LRRTM4: variants seen among roughly 807,000 people sequenced by gnomAD.
The protein encoded by LRRTM4 is leucine rich repeat transmembrane neuronal 4.
A neutral mutation model predicts 47.6 loss-of-function variants in LRRTM4; 25 were observed. The observed-to-expected ratio is 0.53, with a 90% CI of 0.38 to 0.73. LRRTM4 has a LOEUF of 0.73. Ranked by LOEUF, LRRTM4 falls within the 30% of genes least tolerant of loss-of-function variation. The probability of loss-of-function intolerance (pLI) is 0.00; values close to 1 mark genes in which losing one functional copy is unlikely to be tolerated. For missense variants in LRRTM4, 638 were observed against 713.4 expected, an observed-to-expected ratio of 0.89 and a Z score of 1.20; for synonymous variants, 311 against 269.5, an observed-to-expected ratio of 1.15 and a Z score of -1.51.
At chr2:76,939,861 T>C (rs79909487) in intron 3 of LRRTM4, among the ~76,000 whole-genome samples, 8,812 of 152,178 alleles carry the variant, frequency 0.058, 600 homozygotes, top group African/African-American at 0.15. Context: ...TCTTGGAGAA[T>C]TTTCCCAGAT....
At position 77,440,084 on chromosome 2, in the gene LRRTM4, T is replaced by C. The variant is rs571925260; in HGVS notation, c.1551+78234A>G. 1.2e-3 allele frequency among the ~76,000 whole-genome samples: 178 copies of C among 152,166 alleles called. 1 individual carries two copies. The highest frequency in any genetic ancestry group is 4.1e-3 in the African/African-American group (170 of 41,512). ...ACTGGCAAAGAAAAGATGGGTGAAATTGAGTAACCTACGAGTAGGCCAAAG... is the reference window on the plus strand; with the variant it reads ...ACTGGCAAAGAAAAGATGGGTGAAACTGAGTAACCTACGAGTAGGCCAAAG... On this transcript the variant is annotated intron_variant, in intron 3 of 3. Coordinates refer to ENST00000409884, the MANE Select transcript of LRRTM4 (RefSeq NM_001134745.3).
chr2:76,863,014 T>C (rs1408719515), intron 3 of LRRTM4, among the ~76,000 whole-genome samples: 1 of 152,182 alleles, frequency 6.6e-6, no homozygotes, highest in South Asian at 2.1e-4. Flanking sequence ...AAAGCATATG[T>C]CACCACACCA....
intron 3 of LRRTM4, among the ~76,000 whole-genome samples, chr2:77,311,607 G>A (rs1041952257): frequency 6.6e-6 from 1 of 152,144 alleles, no homozygotes; most frequent in Non-Finnish European, 1.5e-5. Flanking sequence ...AGCATAGTAG[G>A]TGGCATATAT....
At chr2:77,276,671 A>G (rs1305828939) in intron 3 of LRRTM4, among the ~76,000 whole-genome samples, 1 of 128,682 alleles carries the variant, frequency 7.8e-6, no homozygotes, top group Admixed American at 8.6e-5. Context: ...GTTCTTGTAT[A>G]TAAATTTGTG....
chr2:77,282,766 G>T (rs1676542541), intron 3 of LRRTM4, among the ~76,000 whole-genome samples: 1 of 151,874 alleles, frequency 6.6e-6, no homozygotes, highest in African/African-American at 2.4e-5. Context: ...GTCAATAAAT[G>T]GTGTTGAGAT....
At chr2:77,137,875 AG>A (rs1300676072) in intron 3 of LRRTM4, among the ~76,000 whole-genome samples, 5 of 152,286 alleles carry the variant, frequency 3.3e-5, no homozygotes, top group Admixed American at 3.3e-4. Flanking sequence ...AAAGAGACAA[AG>A]AAGGCCATTA....
intron 3 of LRRTM4, among the ~76,000 whole-genome samples, chr2:77,462,038 T>C (rs1676809218): frequency 6.6e-6 from 1 of 152,110 alleles, no homozygotes; most frequent in Non-Finnish European, 1.5e-5. Context: ...GAGTCTTTTT[T>C]TATCCTAGTA....
At chr2:76,803,492 T>A (rs1558664687) in intron 3 of LRRTM4, among the ~76,000 whole-genome samples, 1 of 152,130 alleles carries the variant, frequency 6.6e-6, no homozygotes, top group Non-Finnish European at 1.5e-5. Flanking sequence ...TGTACGCTGT[T>A]GATGGGAATG....
intron 3 of LRRTM4, among the ~76,000 whole-genome samples, chr2:77,460,620 G>A (rs1676751884): frequency 6.6e-6 from 1 of 152,084 alleles, no homozygotes; most frequent in Non-Finnish European, 1.5e-5. Flanking sequence ...CATGTAATAA[G>A]TTAATTGATT....
chr2:77,442,925 T>C (rs774126632), intron 3 of LRRTM4, among the ~76,000 whole-genome samples: 1 of 152,160 alleles, frequency 6.6e-6, no homozygotes, highest in East Asian at 1.9e-4. Flanking sequence ...GTCCCTCTTA[T>C]GGCTTAAATG....
intron 3 of LRRTM4, among the ~76,000 whole-genome samples, chr2:76,894,194 G>T (rs570561788): frequency 6.6e-6 from 1 of 152,096 alleles, no homozygotes; most frequent in African/African-American, 2.4e-5. Context: ...TTAAAATGCA[G>T]TAGTTTCCCT....
chr2:76,940,187 T>C (rs1675087951), intron 3 of LRRTM4, among the ~76,000 whole-genome samples: 1 of 152,108 alleles, frequency 6.6e-6, no homozygotes, highest in African/African-American at 2.4e-5. Context: ...GACACATACA[T>C]ATGTATGTTC....
chr2:76,918,833 G>A (rs961818103), intron 3 of LRRTM4, among the ~76,000 whole-genome samples: 6 of 152,072 alleles, frequency 3.9e-5, no homozygotes, highest in Admixed American at 6.6e-5. Context: ...CCTCTGTTAA[G>A]AGCATGAATA....
At chr2:77,371,375 T>A (rs1672649902) in intron 3 of LRRTM4, among the ~76,000 whole-genome samples, 1 of 151,768 alleles carries the variant, frequency 6.6e-6, no homozygotes, top group African/African-American at 2.4e-5. Context: ...CTGTTATCTG[T>A]CTTTTGTCAG....
At chr2:77,448,871 T>C (rs955381573) in intron 3 of LRRTM4, among the ~76,000 whole-genome samples, 43 of 152,222 alleles carry the variant, frequency 2.8e-4, no homozygotes, top group African/African-American at 9.6e-4. Context: ...ACCTTGTCAA[T>C]TGGCAATCAT....
chr2:77,012,564 T>A (rs1677914055), intron 3 of LRRTM4, among the ~76,000 whole-genome samples: 1 of 152,180 alleles, frequency 6.6e-6, no homozygotes. Context: ...GCTGATCTCA[T>A]TGCACGTTAA....
In LRRTM4 at chr2:76,779,758, T is replaced by A. The variant is rs1000089085; in HGVS notation, c.1552-30842A>T. Among the ~76,000 whole-genome samples, 98 of 152,248 alleles carry A rather than the reference T, an allele frequency of 6.4e-4. 1 individual carries two copies. Among genetic ancestry groups the A allele is most frequent in the Non-Finnish European group, 9.7e-4 (66 of 68,048 alleles). Reference sequence around the variant, plus strand: ...TTTTAATTGGAGCATTTAGTCCAGTTACATTTAAAGATAATATTGTTTTGT... The same window carrying A: ...TTTTAATTGGAGCATTTAGTCCAGTAACATTTAAAGATAATATTGTTTTGT... On this transcript the variant is annotated intron_variant, in intron 3 of 3. Transcript: ENST00000409884.
chr2:77,086,990 C>A (rs1330026204), intron 3 of LRRTM4, among the ~76,000 whole-genome samples: 1 of 150,394 alleles, frequency 6.6e-6, no homozygotes, highest in Non-Finnish European at 1.5e-5. Flanking sequence ...CCTTTTAAAC[C>A]TTGTAGCTGA....
At chr2:77,032,775 A>G (rs763613535) in intron 3 of LRRTM4, among the ~76,000 whole-genome samples, 74 of 152,220 alleles carry the variant, frequency 4.9e-4, no homozygotes, top group Non-Finnish European at 9.7e-4. Context: ...CTGATTTATA[A>G]ACAGCATTTA....
Sources: allele counts gnomAD v4.1 joint callset (sites outside exome capture counted in the v4.1 genomes callset), GRCh38; gene constraint gnomAD v4.1.1; transcripts MANE v1.5; gene names NCBI Gene and HGNC (gene_info 2026-07-23, HGNC 2026-07-21).